ABTB2: variants seen among roughly 807,000 people sequenced by gnomAD.
ABTB2 encodes the protein ankyrin repeat and BTB domain containing 2.
ABTB2 carries 56 observed loss-of-function variants against 104.1 expected under a neutral mutation model. The observed-to-expected ratio is 0.54, with a 90% CI of 0.43 to 0.67. The LOEUF (loss-of-function observed/expected upper bound fraction) is 0.67. Among genes scored for constraint, ABTB2 ranks in the 30% least tolerant of loss-of-function variants. The pLI, the probability that ABTB2 is intolerant of heterozygous loss-of-function variation, is 0.00. For synonymous variants in ABTB2, 606 were observed against 608.2 expected, an observed-to-expected ratio of 1.00 and a Z score of 0.05; for missense variants, 1,279 against 1,407.7, an observed-to-expected ratio of 0.91 and a Z score of 1.46.
At chr11:34,179,096 A>G (rs2133022414) in intron 3 of ABTB2, among the ~76,000 whole-genome samples, 1 of 151,982 alleles carries the variant, frequency 6.6e-6, no homozygotes, top group East Asian at 1.9e-4. Flanking sequence ...AAAAAAAAAA[A>G]AAAATTAATG....
At chr11:34,240,251 CTT>C (rs1164051940) in intron 1 of ABTB2, among the ~76,000 whole-genome samples, 1 of 152,192 alleles carries the variant, frequency 6.6e-6, no homozygotes, top group Non-Finnish European at 1.5e-5. Flanking sequence ...GTCACCGAAA[CTT>C]TTCCATTTGA....
chr11:34,290,726 A>C (rs1348024148), intron 1 of ABTB2, among the ~76,000 whole-genome samples: 6 of 152,322 alleles, frequency 3.9e-5, no homozygotes, highest in Admixed American at 2.0e-4. Context: ...GAAAAACCAG[A>C]GGCAGAAACA....
intron 14 of ABTB2, among the ~76,000 whole-genome samples, chr11:34,158,662 G>T (rs1852665415): frequency 6.6e-6 from 1 of 152,210 alleles, no homozygotes; most frequent in African/African-American, 2.4e-5. Flanking sequence ...GTTCAGCTGA[G>T]ATCCCAGCCA....
chr11:34,171,290 G>T (rs1019170939), intron 4 of ABTB2, among the ~76,000 whole-genome samples: 4 of 152,164 alleles, frequency 2.6e-5, no homozygotes, highest in African/African-American at 9.7e-5. Context: ...AAAATTGCTT[G>T]GGAGGTAGGT....
intron 1 of ABTB2, among the ~76,000 whole-genome samples, chr11:34,346,130 C>T (rs1855328695): frequency 6.6e-6 from 1 of 152,218 alleles, no homozygotes. Flanking sequence ...TCTCATTTTC[C>T]CTCCTCTTTG....
At chr11:34,165,829 T>A (rs984814573) in intron 7 of ABTB2, among the ~76,000 whole-genome samples, 1 of 152,214 alleles carries the variant, frequency 6.6e-6, no homozygotes, top group African/African-American at 2.4e-5. Context: ...GTCTTCCTCA[T>A]TCACAGAATG....
intron 5 of ABTB2, among the ~76,000 whole-genome samples, chr11:34,170,451 A>T (rs1295205427): frequency 1.3e-5 from 2 of 152,190 alleles, no homozygotes; most frequent in Non-Finnish European, 2.9e-5. Context: ...TTTAGTCCTC[A>T]GCACTTTAAC....
At position 34,173,205 on chromosome 11, in the gene ABTB2, C is replaced by G. The variant is rs753689152; in HGVS notation, c.1347G>C (p.Gln449His). 2.5e-6 allele frequency: 4 copies of G among 1,613,632 alleles called. No homozygotes were observed. The highest frequency in any genetic ancestry group is 3.4e-6 in the Non-Finnish European group (4 of 1,179,944). The change falls in exon 4 of 17, where the codon CAG (glutamine) becomes CAC (histidine). Residue 449 changes from glutamine to histidine, a missense_variant. Coordinates refer to ENST00000435224, the MANE Select transcript of ABTB2 (RefSeq NM_145804.3). Reference sequence around the variant, plus strand: ...GACCAGGCAGCAGCAGCCGGGCTGCCTGCCGGATGTCGCCGCTGTCCACGG... The same window carrying G: ...GACCAGGCAGCAGCAGCCGGGCTGCGTGCCGGATGTCGCCGCTGTCCACGG... ...SLTVDSGDIR[Q>H]AARLLLPGLD...
rs145181364 is a variant in ABTB2, at chr11:34,182,431, G to C, written c.1245-9124C>G. Among the ~76,000 whole-genome samples the C allele has an allele frequency of 3.8e-3, 566 of 147,386 alleles. 4 individuals carry two copies. Among genetic ancestry groups the C allele is most frequent in the Middle Eastern group, 0.018 (5 of 284 alleles). On this transcript the variant is annotated intron_variant, in intron 3 of 16. Coordinates refer to ENST00000435224, the MANE Select transcript of ABTB2 (RefSeq NM_145804.3). ...GCCAGGCTGCCTCTGAACCGCAGCT[G>C]AGCCCACAGCAGAATCTCCACTTGT...
At chr11:34,326,279 C>A (rs76223294) in intron 1 of ABTB2, among the ~76,000 whole-genome samples, 2,220 of 152,204 alleles carry the variant, frequency 0.015, 39 homozygotes, top group African/African-American at 0.047. Flanking sequence ...ACCAAAAAAA[C>A]CACAGAGATA....
chr11:34,331,617 C>T (rs190318369), intron 1 of ABTB2, among the ~76,000 whole-genome samples: 3 of 152,328 alleles, frequency 2.0e-5, no homozygotes, highest in Non-Finnish European at 2.9e-5. Flanking sequence ...TCTCTCTCTT[C>T]TGGCTCTGTA....
chr11:34,346,023 T>C (rs1855326887), intron 1 of ABTB2, among the ~76,000 whole-genome samples: 1 of 152,178 alleles, frequency 6.6e-6, no homozygotes, highest in Non-Finnish European at 1.5e-5. Flanking sequence ...GCTATGTGAC[T>C]GTGAAGTACA....
intron 1 of ABTB2, among the ~76,000 whole-genome samples, chr11:34,305,244 C>A (rs1416554603): frequency 6.6e-6 from 1 of 152,192 alleles, no homozygotes; most frequent in Non-Finnish European, 1.5e-5. Context: ...CCTGAGAGAC[C>A]TTGTGCATGC....
chr11:34,343,167 C>A (rs535759970), intron 1 of ABTB2, among the ~76,000 whole-genome samples: 1 of 152,156 alleles, frequency 6.6e-6, no homozygotes, highest in African/African-American at 2.4e-5. Flanking sequence ...TCTAGCCATG[C>A]CCTTTCCATG....
rs539287676 is a variant in ABTB2, at chr11:34,154,288, C to T, written c.2857G>A (p.Val953Met). The T allele has an allele frequency of 2.2e-5, 35 of 1,613,746 alleles. No homozygotes were observed. The highest frequency in any genetic ancestry group is 1.6e-4 in the Middle Eastern group (1 of 6,068). The change falls in exon 16 of 17, where the codon GTG (valine) becomes ATG (methionine). Residue 953 changes from valine (V) to methionine (M), a missense_variant. Physicochemically the swap from Val to Met is conservative, Grantham distance 21. Coordinates refer to ENST00000435224, the MANE Select transcript of ABTB2 (RefSeq NM_145804.3). This position sits in a 1 kb window ranked among gnomAD's most constrained non-coding sequence, Gnocchi z 4.9. ...ACCTTGGCATATTTGTAGGTGTTCA[C>T]GGCACTCTCCATGCTGAGGGTCTGG... The part of the protein sequence containing the change: ...CSQTLSMESA[V>M]NTYKYAKIHN...
intron 3 of ABTB2, among the ~76,000 whole-genome samples, chr11:34,179,946 C>T (rs992835707): frequency 6.6e-6 from 1 of 152,214 alleles, no homozygotes; most frequent in South Asian, 2.1e-4. Context: ...CCTCACAAAA[C>T]AGCTAGAAGC....
intron 1 of ABTB2, among the ~76,000 whole-genome samples, chr11:34,291,792 G>A (rs1223501005): frequency 2.0e-5 from 3 of 152,242 alleles, no homozygotes; most frequent in East Asian, 1.9e-4. Flanking sequence ...CACCACGCCC[G>A]GCCTGATATG....
chr11:34,230,232 C>T (rs1458918069), intron 1 of ABTB2, among the ~76,000 whole-genome samples: 2 of 152,184 alleles, frequency 1.3e-5, no homozygotes, highest in African/African-American at 4.8e-5. Context: ...ACACCATAGT[C>T]CTTGCCTGCA....
In ABTB2 at chr11:34,170,984, G is replaced by A. The variant is rs779574462; in HGVS notation, c.1485C>T (p.Leu495=). 73 of 1,614,096 alleles carry A rather than the reference G, an allele frequency of 4.5e-5. 1 individual carries two copies. The East Asian group carries it at 1.6e-3, about 36-fold the overall frequency. The change falls in exon 5 of 17, where the codon CTC becomes CTT. Residue 495 remains leucine, a synonymous_variant. Transcript: ENST00000435224. ...TGATGAGGTCCGTCCTCCCACAGTT[G>A]AGCATGCGGAAACCCAGGTCCTGGT... ...KFNQDLGFRM[L]NCGRTDLINQ...
Sources: gnomAD v4.1 joint callset for allele counts (sites outside exome capture counted in the v4.1 genomes callset) on GRCh38, gnomAD v4.1.1 for gene constraint, Gnocchi (gnomAD v3.1) non-coding constraint, MANE v1.5 for transcripts, NCBI Gene and HGNC (gene_info 2026-07-23, HGNC 2026-07-21) for gene names.